Variants in HMGCLL1 observed in about 807,000 individuals in gnomAD.
The protein encoded by HMGCLL1 is 3-hydroxy-3-methylglutaryl-CoA lyase like 1.
HMGCLL1 carries 36 observed loss-of-function variants against 39.1 expected under a neutral mutation model. The ratio of observed to expected loss-of-function variants is 0.92; its 90% CI spans 0.71 to 1.22. HMGCLL1 has a LOEUF of 1.22. Ranked by LOEUF, HMGCLL1 falls within the 50% of genes most tolerant of loss-of-function variation. The probability of loss-of-function intolerance (pLI) is 0.00; values close to 1 mark genes in which losing one functional copy is unlikely to be tolerated. For missense variants in HMGCLL1, 451 were observed against 416.5 expected, an observed-to-expected ratio of 1.08 and a Z score of -0.72; for synonymous variants, 149 against 144.0, an observed-to-expected ratio of 1.03 and a Z score of -0.25.
At chr6:55,672,631 C>T in the HMGCLL1 span, among the ~76,000 whole-genome samples, 34 of 151,994 alleles carry the variant, frequency 2.2e-4, no homozygotes, top group African/African-American at 8.2e-4. Flanking sequence ...ATCACTTTCA[C>T]CTAACTGGCT....
intron 7 of HMGCLL1, among the ~76,000 whole-genome samples, chr6:55,448,538 T>G (rs943062807): frequency 1.3e-5 from 2 of 152,076 alleles, no homozygotes; most frequent in African/African-American, 4.8e-5. Context: ...CTATCTACTT[T>G]TTTTCATAGT....
intron 5 of HMGCLL1, among the ~76,000 whole-genome samples, chr6:55,510,165 T>C (rs1328096229): frequency 6.6e-6 from 1 of 152,024 alleles, no homozygotes; most frequent in African/African-American, 2.4e-5. Flanking sequence ...AAATATACTC[T>C]TCTTTGAACT....
At chr6:55,673,574 C>A in the HMGCLL1 span, among the ~76,000 whole-genome samples, 1 of 151,862 alleles carries the variant, frequency 6.6e-6, no homozygotes, top group Non-Finnish European at 1.5e-5. Flanking sequence ...CAGAATTAAA[C>A]AAGCAAATAA....
the HMGCLL1 span, among the ~76,000 whole-genome samples, chr6:55,659,826 A>T: frequency 2.6e-5 from 4 of 151,890 alleles, no homozygotes; most frequent in Non-Finnish European, 5.9e-5. Flanking sequence ...ACATAAAGTT[A>T]CCAAAGTATT....
At chr6:55,675,915 T>C in the HMGCLL1 span, among the ~76,000 whole-genome samples, 1 of 152,170 alleles carries the variant, frequency 6.6e-6, no homozygotes, top group Non-Finnish European at 1.5e-5. Context: ...TTTTTATTAC[T>C]CATTTTAGAA....
chr6:55,637,792 A>G, the HMGCLL1 span, among the ~76,000 whole-genome samples: 2 of 151,648 alleles, frequency 1.3e-5, no homozygotes, highest in Non-Finnish European at 2.9e-5. Context: ...TTAAATTGAT[A>G]TCATAGATAC....
chr6:55,564,778 G>A (rs907460834), intron 1 of HMGCLL1, among the ~76,000 whole-genome samples: 2 of 151,338 alleles, frequency 1.3e-5, no homozygotes, highest in African/African-American at 2.4e-5. Flanking sequence ...AGCCTATAAA[G>A]CTTACAAGAG....
Position 55,514,055 on chromosome 6 carries a change from CTGGAATATTCATG to C in HMGCLL1, c.522_534del (p.His174GlnfsTer23). On this transcript the variant is annotated frameshift_variant, in exon 5 of 9. Coordinates refer to ENST00000274901, the MANE Select transcript of HMGCLL1 (RefSeq NM_001042406.2). LOFTEE classifies it high-confidence loss of function. Reference sequence around the variant, plus strand: ...GTGGGATTTCATAAGTACCCTCGTGCTGGAATATTCATGTGTCTTGCAGACTTAACAACCTCCT... The same window carrying C: ...GTGGGATTTCATAAGTACCCTCGTGCTGTCTTGCAGACTTAACAACCTCCT... 1 of 1,610,592 alleles carries C rather than the reference CTGGAATATTCATG, an allele frequency of 6.2e-7. No homozygotes were observed. Among genetic ancestry groups the C allele is most frequent in the Non-Finnish European group, 8.5e-7 (1 of 1,178,870 alleles).
upstream of HMGCLL1, among the ~76,000 whole-genome samples, chr6:55,581,522 A>T (rs1236687057): frequency 1.3e-5 from 2 of 152,086 alleles, no homozygotes; most frequent in Non-Finnish European, 2.9e-5. Context: ...TATACATTTG[A>T]AAAGCATATG....
the HMGCLL1 span, among the ~76,000 whole-genome samples, chr6:55,667,636 TTATAGCACAGAATCA>T: frequency 6.6e-6 from 1 of 151,754 alleles, no homozygotes; most frequent in Non-Finnish European, 1.5e-5. Flanking sequence ...GGTGATTTGT[TTATAGCACAGAATCA>T]TAAAAAGGAA....
chr6:55,661,101 A>G, the HMGCLL1 span, among the ~76,000 whole-genome samples: 53,033 of 151,624 alleles, frequency 0.35, 9,634 homozygotes, highest in African/African-American at 0.44. Context: ...GTTCCCTATA[A>G]ATGCTGGATA....
chr6:55,542,151 A>T lies in HMGCLL1; in HGVS notation c.109-11T>A. The T allele has an allele frequency of 2.6e-6, 4 of 1,568,440 alleles. No individual in the cohort carries two copies. In the South Asian group the frequency reaches 4.5e-5, roughly 18 times the overall value. On this transcript the variant is annotated splice_polypyrimidine_tract_variant and intron_variant, in intron 1 of 8. Transcript: ENST00000274901. ...TAACTGGGATGTTTCCTGAAATGCA[A>T]AATGTAAGAACAAGATAACGTAACT...
intron 7 of HMGCLL1, among the ~76,000 whole-genome samples, chr6:55,483,868 T>G (rs1765869176): frequency 6.6e-6 from 1 of 152,190 alleles, no homozygotes; most frequent in African/African-American, 2.4e-5. Flanking sequence ...TTTTAAAAAT[T>G]ATTAATATCA....
the HMGCLL1 span, among the ~76,000 whole-genome samples, chr6:55,593,846 C>T: frequency 2.6e-5 from 4 of 151,994 alleles, no homozygotes; most frequent in African/African-American, 7.2e-5. Flanking sequence ...TTTAATATCC[C>T]GATTTTGGAA....
chr6:55,653,250 C>T, the HMGCLL1 span, among the ~76,000 whole-genome samples: 3 of 152,006 alleles, frequency 2.0e-5, no homozygotes, highest in Non-Finnish European at 2.9e-5. Flanking sequence ...AGTTCTTCCC[C>T]AGTATTTTTC....
intron 3 of HMGCLL1, among the ~76,000 whole-genome samples, chr6:55,541,186 A>G (rs1275036246): frequency 1.3e-5 from 2 of 152,152 alleles, no homozygotes; most frequent in African/African-American, 4.8e-5. Flanking sequence ...TGAAAACCCT[A>G]GAGAAAGCTC....
At chr6:55,526,615 AT>A (rs553829107) in intron 3 of HMGCLL1, among the ~76,000 whole-genome samples, 117 of 152,004 alleles carry the variant, frequency 7.7e-4, no homozygotes, top group Admixed American at 1.1e-3. Flanking sequence ...TTGAATTGTG[AT>A]TTTTTTCCCA....
chr6:55,439,741 C>A, intron 7 of HMGCLL1, 182 bp from the exon 8 acceptor site: 1 of 467,766 alleles, frequency 2.1e-6, no homozygotes, highest in African/African-American at 2.0e-5. Context: ...TGTCTAATCT[C>A]GTCTTTGAGG....
At chr6:55,591,612 A>G in the HMGCLL1 span, among the ~76,000 whole-genome samples, 2 of 145,858 alleles carry the variant, frequency 1.4e-5, no homozygotes, top group Middle Eastern at 3.6e-3. Context: ...TCGTTAATAC[A>G]TTTTCCCACA....
Sources: allele counts gnomAD v4.1 joint callset (sites outside exome capture counted in the v4.1 genomes callset), GRCh38; gene constraint gnomAD v4.1.1; transcripts MANE v1.5; gene names NCBI Gene and HGNC (gene_info 2026-07-23, HGNC 2026-07-21).